Variants in DCBLD1 observed in about 807,000 individuals in gnomAD.
DCBLD1 encodes discoidin, CUB and LCCL domain containing 1.
Under a neutral mutation model 71.5 loss-of-function variants are expected in DCBLD1, and 57 were observed. That is an observed-to-expected ratio of 0.80 (90% CI 0.64 to 0.99). DCBLD1 has a LOEUF of 0.99. Among genes scored for constraint, DCBLD1 ranks in the 50% least tolerant of loss-of-function variants. The pLI is 0.00. For missense variants in DCBLD1, 891 were observed against 923.5 expected, an observed-to-expected ratio of 0.96 and a Z score of 0.46; for synonymous variants, 380 against 363.8, an observed-to-expected ratio of 1.04 and a Z score of -0.51.
chr6:117,569,075 A>C (rs1779755391), intron 14 of DCBLD1, among the ~76,000 whole-genome samples: 1 of 152,194 alleles, frequency 6.6e-6, no homozygotes, highest in African/African-American at 2.4e-5. Context: ...CTTTGAGTAA[A>C]TCCTTTCATC....
At chr6:117,504,768 A>C (rs1014467285) in intron 2 of DCBLD1, among the ~76,000 whole-genome samples, 2 of 152,240 alleles carry the variant, frequency 1.3e-5, no homozygotes, top group African/African-American at 4.8e-5. Context: ...CCAAGGAAAT[A>C]GCTCAGGTTG....
At chr6:117,485,134 G>A (rs940812266) in intron 1 of DCBLD1, 5 of 152,080 alleles carry the variant, frequency 3.3e-5, no homozygotes, top group South Asian at 2.1e-4. Flanking sequence ...GTATAAATTC[G>A]TAGGTTTGGA....
intron 14 of DCBLD1, chr6:117,567,037 A>G: frequency 6.4e-7 from 1 of 1,553,992 alleles, no homozygotes; most frequent in Non-Finnish European, 8.6e-7. Context: ...TCTCCTCTCT[A>G]AAACAGGAAA....
chr6:117,509,636 C>T (rs1777951425), intron 2 of DCBLD1, among the ~76,000 whole-genome samples: 2 of 152,034 alleles, frequency 1.3e-5, no homozygotes, highest in Non-Finnish European at 2.9e-5. Flanking sequence ...CTTCTTCTTC[C>T]TCCTCCTGAG....
chr6:117,545,135 C>T (rs1382228640), intron 13 of DCBLD1, among the ~76,000 whole-genome samples: 1 of 151,900 alleles, frequency 6.6e-6, no homozygotes, highest in Non-Finnish European at 1.5e-5. Context: ...TCCACCTCCC[C>T]AGGGTCTAAA....
intron 6 of DCBLD1, among the ~76,000 whole-genome samples, chr6:117,534,072 T>C (rs1350437435): frequency 6.6e-6 from 1 of 152,200 alleles, no homozygotes; most frequent in East Asian, 1.9e-4. Context: ...AACCCTCCCA[T>C]TTACTTTCCC....
At chr6:117,498,905 C>A (rs1018420747) in intron 1 of DCBLD1, among the ~76,000 whole-genome samples, 1 of 152,032 alleles carries the variant, frequency 6.6e-6, no homozygotes, top group Non-Finnish European at 1.5e-5. Flanking sequence ...TCTCAATTAT[C>A]TATTTAAAAG....
At chr6:117,551,674 C>T (rs1016494311), downstream of DCBLD1, among the ~76,000 whole-genome samples, 6 of 152,294 alleles carry the variant, frequency 3.9e-5, no homozygotes, top group Admixed American at 1.3e-4. Context: ...CCACCGCGCC[C>T]GGCTTCCCTT....
At chr6:117,490,014 T>C (rs1582960819) in intron 1 of DCBLD1, among the ~76,000 whole-genome samples, 1 of 152,162 alleles carries the variant, frequency 6.6e-6, no homozygotes, top group East Asian at 1.9e-4. Context: ...AACATTGTCC[T>C]GATATATCAT....
chr6:117,518,121 T>G (rs1778266620), intron 2 of DCBLD1, among the ~76,000 whole-genome samples: 1 of 152,224 alleles, frequency 6.6e-6, no homozygotes, highest in Admixed American at 6.5e-5. Flanking sequence ...CCAAGTTACC[T>G]CGTGAATGCT....
intron 14 of DCBLD1, among the ~76,000 whole-genome samples, chr6:117,557,767 A>T (rs1017843900): frequency 6.6e-6 from 1 of 152,244 alleles, no homozygotes; most frequent in Non-Finnish European, 1.5e-5. Flanking sequence ...TCCGTCTCAA[A>T]AAAAATAAAA....
intron 11 of DCBLD1, among the ~76,000 whole-genome samples, chr6:117,542,699 C>G (rs138192565): frequency 7.9e-5 from 12 of 152,192 alleles, no homozygotes; most frequent in African/African-American, 2.6e-4. Flanking sequence ...CAGGTCCAAA[C>G]CCGCCTGCCA....
chr6:117,551,021 T>C (rs570935649), downstream of DCBLD1, among the ~76,000 whole-genome samples: 2 of 152,268 alleles, frequency 1.3e-5, no homozygotes, highest in South Asian at 4.1e-4. Flanking sequence ...CATGCCACAT[T>C]GCACACCCAC....
chr6:117,548,580 T>C lies in DCBLD1; in HGVS notation c.*141T>C. The C allele has an allele frequency of 6.9e-7, 1 of 1,456,750 alleles. No individual in the cohort carries two copies. The highest frequency in any genetic ancestry group is 9.0e-7 in the Non-Finnish European group (1 of 1,109,674). 90.2% of individuals were successfully genotyped at this position (1,456,750 alleles called of 1,614,324 possible). A position where few individuals can be genotyped will look rare whatever the true frequency, so the allele number is the denominator to read the frequency against. On this transcript the variant is annotated 3_prime_UTR_variant, in exon 15 of 15. Transcript: ENST00000338728. ...CATGTGTGTGTGTGATCCAGTAGGATCCTAGAGACAACCTGTCATACTGTT... is the reference window on the plus strand; with the variant it reads ...CATGTGTGTGTGTGATCCAGTAGGACCCTAGAGACAACCTGTCATACTGTT...
chr6:117,566,633 T>G (rs1583049586), intron 14 of DCBLD1, among the ~76,000 whole-genome samples: 1 of 152,158 alleles, frequency 6.6e-6, no homozygotes, highest in Non-Finnish European at 1.5e-5. Flanking sequence ...GTAGAGTAAC[T>G]GGTAATGTAC....
At chr6:117,565,447 T>C (rs978502573) in intron 14 of DCBLD1, among the ~76,000 whole-genome samples, 5 of 152,210 alleles carry the variant, frequency 3.3e-5, no homozygotes, top group African/African-American at 7.2e-5. Flanking sequence ...CACTCTGTTA[T>C]ATTAAAATCC....
Position 117,525,408 on chromosome 6 carries a change from G to T in DCBLD1, c.559G>T (p.Gly187Trp). The change falls in exon 5 of 15, where the codon GGG becomes TGG. Residue 187 changes from glycine to tryptophan, a missense_variant. Gly to Trp is a radical substitution (Grantham distance 184). Coordinates refer to ENST00000338728, the MANE Select transcript of DCBLD1 (RefSeq NM_001366458.2). ...TAGAGACGTAGCAGGAGACATTTCT[G>T]GGAATATGGTAGATGGATATAGAGA... ...GCRDVAGDIS[G>W]NMVDGYRDTS... 1 of 1,516,212 alleles carries T rather than the reference G, an allele frequency of 6.6e-7. No individual in the cohort carries two copies. The highest frequency in any genetic ancestry group is 8.8e-7 in the Non-Finnish European group (1 of 1,131,778). The allele number at this position is 1,516,212 out of a possible 1,614,324, so 93.9% of individuals were successfully genotyped here.
At chr6:117,516,637 G>A (rs775901335) in intron 2 of DCBLD1, among the ~76,000 whole-genome samples, 39 of 152,220 alleles carry the variant, frequency 2.6e-4, no homozygotes, top group Admixed American at 7.2e-4. Context: ...ATGTGTATTG[G>A]TCCATTTTCA....
chr6:117,539,380 G>A lies in DCBLD1; in HGVS notation c.1101+1G>A. The A allele has an allele frequency of 2.5e-6, 4 of 1,601,104 alleles. No individual in the cohort carries two copies. The highest frequency in any genetic ancestry group is 3.4e-6 in the Non-Finnish European group (4 of 1,177,052). On this transcript the variant is annotated splice_donor_variant, in intron 9 of 14. Coordinates refer to ENST00000338728, the MANE Select transcript of DCBLD1 (RefSeq NM_001366458.2). LOFTEE classifies it high-confidence loss of function. The stretch of plus-strand genomic sequence containing the variant: ...AGGAATTGTGAATAATGAAGAAAAG[G>A]TAAGAGGTAACCCTAGAGGCAAGAG...
Sources: allele counts gnomAD v4.1 joint callset (sites outside exome capture counted in the v4.1 genomes callset), GRCh38; gene constraint gnomAD v4.1.1; transcripts MANE v1.5; gene names NCBI Gene and HGNC (gene_info 2026-07-23, HGNC 2026-07-21).